Variants in NELL2 observed in about 807,000 individuals in gnomAD.
The protein encoded by NELL2 is neural EGFL like 2, also known as protein kinase C-binding protein NELL2.
A neutral mutation model predicts 109.6 loss-of-function variants in NELL2; 41 were observed. The observed-to-expected ratio is 0.37, with a 90% CI of 0.29 to 0.49. The LOEUF (loss-of-function observed/expected upper bound fraction) is 0.49. NELL2 is among the 20% of genes least tolerant of loss of function. NELL2 has a pLI of 0.98. For missense variants in NELL2, 900 were observed against 1,008.3 expected, an observed-to-expected ratio of 0.89 and a Z score of 1.45; for synonymous variants, 355 against 344.7, an observed-to-expected ratio of 1.03 and a Z score of -0.33.
At chr12:44,767,089 G>T (rs957131830) in intron 9 of NELL2, among the ~76,000 whole-genome samples, 1 of 152,012 alleles carries the variant, frequency 6.6e-6, no homozygotes, top group Non-Finnish European at 1.5e-5. Context: ...TACGTCTACC[G>T]GAAAACCCAC....
chr12:44,776,167 C>T lies in NELL2; in HGVS notation c.763-17G>A, dbSNP rs375727339. ...TCGAGACAGCTGTGGCACAAAAGAA[C>T]GGGTTTTACATTGTTCATCCTTCCA... is the stretch of plus-strand genomic sequence containing the variant. On this transcript the variant is annotated splice_polypyrimidine_tract_variant and intron_variant, in intron 7 of 19. Transcript: ENST00000429094. The T allele has an allele frequency of 1.1e-4, 173 of 1,611,950 alleles. No individual in the cohort carries two copies. Among genetic ancestry groups the T allele is most frequent in the Admixed American group, 2.0e-4 (12 of 59,578 alleles).
intron 3 of NELL2, among the ~76,000 whole-genome samples, chr12:44,815,543 G>A (rs532213987): frequency 1.6e-4 from 24 of 152,326 alleles, no homozygotes; most frequent in African/African-American, 5.3e-4. Context: ...AGCTCCTTCT[G>A]CTTTTAGGCA....
At chr12:44,874,690 G>GGAA (rs1374639960) in intron 2 of NELL2, among the ~76,000 whole-genome samples, 2 of 152,186 alleles carry the variant, frequency 1.3e-5, no homozygotes, top group African/African-American at 4.8e-5. Flanking sequence ...GGTGGATGAA[G>GGAA]GAAGAATGAG....
rs1169743031 is a variant in NELL2, at chr12:44,703,800, T to G, written c.1244A>C (p.Asn415Thr). ...HNCMENSICR[N>T]LNDRAVCSCR... is the part of the protein sequence containing the mutation. ...GCTACAAACAGCCCTGTCATTCAGA[T>G]TTCTGCAGATGGAATTCTCCATGCA... is the stretch of plus-strand genomic sequence containing the variant. The change falls in exon 12 of 20, where the codon AAT (asparagine) becomes ACT (threonine). Residue 415 changes from asparagine (N) to threonine (T), a missense_variant. Transcript: ENST00000429094. The G allele has an allele frequency of 6.8e-6, 11 of 1,613,506 alleles. No homozygotes were observed.
At chr12:44,860,432 A>G (rs1304247676) in intron 2 of NELL2, among the ~76,000 whole-genome samples, 1 of 152,220 alleles carries the variant, frequency 6.6e-6, no homozygotes, top group African/African-American at 2.4e-5. Flanking sequence ...TAGAGATTAG[A>G]AGTTCAAAAT....
chr12:44,869,397 A>G (rs1365334784), intron 2 of NELL2, among the ~76,000 whole-genome samples: 1 of 152,122 alleles, frequency 6.6e-6, no homozygotes, highest in East Asian at 1.9e-4. Flanking sequence ...TTCTTTTTTC[A>G]TGAAAGGTAG....
At chr12:44,828,108 C>T (rs535101069) in intron 2 of NELL2, among the ~76,000 whole-genome samples, 18 of 152,112 alleles carry the variant, frequency 1.2e-4, no homozygotes, top group Non-Finnish European at 2.6e-4. Context: ...ATTTGTATGA[C>T]TTCTTCTGAG....
At chr12:44,721,616 C>CT (rs34143395) in intron 9 of NELL2, among the ~76,000 whole-genome samples, 4 of 149,926 alleles carry the variant, frequency 2.7e-5, no homozygotes, top group African/African-American at 4.9e-5. Context: ...CTTTGTGTAA[C>CT]TTTTTTTTTT....
intron 1 of NELL2, among the ~76,000 whole-genome samples, chr12:44,904,114 A>G (rs1945693858): frequency 6.6e-6 from 1 of 151,926 alleles, no homozygotes; most frequent in Non-Finnish European, 1.5e-5. Context: ...TATGGCCAGG[A>G]ACACTTAAAT....
chr12:44,611,228 AG>A (rs1355603129), intron 13 of NELL2, among the ~76,000 whole-genome samples: 1 of 152,068 alleles, frequency 6.6e-6, no homozygotes, highest in Non-Finnish European at 1.5e-5. Context: ...TAGAGAGGGG[AG>A]GCAAAGATGA....
At chr12:44,819,517 G>T (rs1429415370) in intron 2 of NELL2, among the ~76,000 whole-genome samples, 1 of 152,210 alleles carries the variant, frequency 6.6e-6, no homozygotes, top group African/African-American at 2.4e-5. Flanking sequence ...AGGTCCAAGG[G>T]AACTCTGAGT....
chr12:44,513,229 C>T (rs1012277394), intron 19 of NELL2, among the ~76,000 whole-genome samples: 1 of 151,866 alleles, frequency 6.6e-6, no homozygotes, highest in Non-Finnish European at 1.5e-5. Flanking sequence ...AAACAGACCC[C>T]CCCTAACTGG....
chr12:44,557,860 C>T (rs1018363855), intron 15 of NELL2, among the ~76,000 whole-genome samples: 1 of 152,148 alleles, frequency 6.6e-6, no homozygotes, highest in Admixed American at 6.5e-5. Context: ...CAAGAAAGGG[C>T]ACCCCGAGCA....
intron 13 of NELL2, among the ~76,000 whole-genome samples, chr12:44,618,667 C>G (rs1158567486): frequency 6.6e-6 from 1 of 152,146 alleles, no homozygotes; most frequent in Admixed American, 6.5e-5. Flanking sequence ...GATGGATAAT[C>G]TGAGATCTGT....
At chr12:44,864,466 T>C (rs1167937440) in intron 2 of NELL2, among the ~76,000 whole-genome samples, 2 of 151,868 alleles carry the variant, frequency 1.3e-5, no homozygotes, top group Non-Finnish European at 2.9e-5. Context: ...AACTGTAAAA[T>C]CAGACAAAGT....
chr12:44,774,562 T>G, intron 9 of NELL2, 185 bp downstream of exon 9: 1 of 577,532 alleles, frequency 1.7e-6, no homozygotes, highest in Non-Finnish European at 3.1e-6. Context: ...CCTACTGGAA[T>G]AGGGGCATAG....
At chr12:44,899,546 T>C (rs187781437) in intron 1 of NELL2, among the ~76,000 whole-genome samples, 163 of 152,290 alleles carry the variant, frequency 1.1e-3, no homozygotes, top group Admixed American at 2.2e-3. Context: ...TAAAATCCTT[T>C]ATAGACAAGC....
chr12:44,899,642 C>T (rs535196405), intron 1 of NELL2, among the ~76,000 whole-genome samples: 2 of 152,252 alleles, frequency 1.3e-5, no homozygotes, highest in Admixed American at 1.3e-4. Context: ...AAAACTGGTA[C>T]CAACCACTGC....
intron 2 of NELL2, among the ~76,000 whole-genome samples, chr12:44,864,520 GT>G (rs1944933067): frequency 6.6e-6 from 1 of 152,072 alleles, no homozygotes; most frequent in Non-Finnish European, 1.5e-5. Context: ...TATAACAATT[GT>G]AAATATAAAT....
Sources: allele counts gnomAD v4.1 joint callset (sites outside exome capture counted in the v4.1 genomes callset), GRCh38; gene constraint gnomAD v4.1.1; transcripts MANE v1.5; gene names NCBI Gene and HGNC (gene_info 2026-07-23, HGNC 2026-07-21).